The following DLGAP2 variants were observed in gnomAD, a reference collection of about 807,000 sequenced individuals.
The protein encoded by DLGAP2 is DLG associated protein 2.
In DLGAP2, 26 loss-of-function variants were observed where a neutral mutation model predicts 100.3. The observed-to-expected ratio is 0.26, with a 90% CI of 0.19 to 0.36. The LOEUF (loss-of-function observed/expected upper bound fraction) is 0.36, where lower values mean the gene tolerates loss of function less well. Ranked by LOEUF, DLGAP2 falls within the 10% of genes least tolerant of loss-of-function variation. The pLI, the probability that DLGAP2 is intolerant of heterozygous loss-of-function variation, is 1.00. For missense variants in DLGAP2, 1,858 were observed against 1,453.2 expected, an observed-to-expected ratio of 1.28 and a Z score of -4.53; for synonymous variants, 886 against 630.1, an observed-to-expected ratio of 1.41 and a Z score of -6.08.
intron 3 of DLGAP2, among the ~76,000 whole-genome samples, chr8:1,360,411 A>G (rs1801957161): frequency 6.6e-6 from 1 of 152,060 alleles, no homozygotes; most frequent in African/African-American, 2.4e-5. Context: ...GTTGGAGTAG[A>G]GTGCATGGGT....
chr8:873,476 C>T (rs939145992), intron 1 of DLGAP2, among the ~76,000 whole-genome samples: 6 of 152,146 alleles, frequency 3.9e-5, no homozygotes, highest in African/African-American at 1.4e-4. Flanking sequence ...TCATAGATGC[C>T]TTTTATTAAG....
chr8:870,329 C>G (rs1361399889), intron 1 of DLGAP2, among the ~76,000 whole-genome samples: 4 of 152,176 alleles, frequency 2.6e-5, no homozygotes, highest in Non-Finnish European at 4.4e-5. Context: ...TCTTCCAGTA[C>G]TGGACATCTT....
chr8:1,667,945 C>A (rs978428137), intron 8 of DLGAP2, among the ~76,000 whole-genome samples: 1 of 144,422 alleles, frequency 6.9e-6, no homozygotes, highest in Non-Finnish European at 1.5e-5. Context: ...GGTGTGTCTC[C>A]GCTGCTGGAT....
chr8:781,063 T>A (rs189315033), intron 1 of DLGAP2, among the ~76,000 whole-genome samples: 55 of 152,358 alleles, frequency 3.6e-4, no homozygotes, highest in Non-Finnish European at 6.2e-4. Flanking sequence ...GGCATGAAAA[T>A]ATGTATAGAT....
At chr8:1,005,463 C>T (rs1270954767) in intron 2 of DLGAP2, among the ~76,000 whole-genome samples, 1 of 144,768 alleles carries the variant, frequency 6.9e-6, no homozygotes, top group Non-Finnish European at 1.5e-5. Flanking sequence ...GGCTGGAGTG[C>T]AGTGGTGCAG....
chr8:1,351,590 C>T lies in DLGAP2; in HGVS notation c.106+92707C>T, dbSNP rs1328079565. ...GGGTCCTGACTGTGTGTGGAAAGGA[C>T]GTGCGCGTCCTGCGTGTGGCGTGGA... On this transcript the variant is annotated intron_variant, in intron 3 of 14. Transcript: ENST00000637795. Among the ~76,000 whole-genome samples the T allele has an allele frequency of 1.8e-4, 12 of 67,490 alleles. 3 individuals are homozygous for T. Among genetic ancestry groups the T allele is most frequent in the Non-Finnish European group, 3.6e-4 (11 of 30,460 alleles). 44.3% of individuals were successfully genotyped at this position (67,490 alleles called of 152,430 possible).
rs370260040 is a variant in DLGAP2, at chr8:1,163,086, C to T, written c.74-95765C>T. On this transcript the variant is annotated intron_variant, in intron 2 of 14. Coordinates refer to ENST00000637795, the MANE Select transcript of DLGAP2 (RefSeq NM_001346810.2). ...TGGAGTCCTCGGCTGGTAAGAGGCC[C>T]GGGGCTGCGGCGTGTTGGGGTGATC... Among the ~76,000 whole-genome samples, 164 of 152,248 alleles carry T rather than the reference C, an allele frequency of 1.1e-3. 1 individual carries two copies. The highest frequency in any genetic ancestry group is 3.5e-3 in the African/African-American group (146 of 41,558).
At chr8:1,679,440 C>T (rs946983692) in intron 12 of DLGAP2, among the ~76,000 whole-genome samples, 8 of 141,774 alleles carry the variant, frequency 5.6e-5, no homozygotes, top group South Asian at 2.5e-4. Flanking sequence ...CATTCCTCTA[C>T]GGGAGTCACC....
At chr8:1,195,762 G>A (rs769997565) in intron 2 of DLGAP2, among the ~76,000 whole-genome samples, 5 of 152,134 alleles carry the variant, frequency 3.3e-5, no homozygotes, top group Admixed American at 6.5e-5. Flanking sequence ...CATCACCATC[G>A]TTGCTCACCC....
chr8:1,298,912 G>C (rs553479232), intron 3 of DLGAP2, among the ~76,000 whole-genome samples: 6 of 152,096 alleles, frequency 3.9e-5, no homozygotes, highest in African/African-American at 1.2e-4. Context: ...GGGAGAACCC[G>C]GGGGGAGAAC....
At chr8:1,205,423 C>T (rs1797969571) in intron 2 of DLGAP2, among the ~76,000 whole-genome samples, 1 of 151,506 alleles carries the variant, frequency 6.6e-6, no homozygotes, top group Non-Finnish European at 1.5e-5. Context: ...TCAGCCGGCT[C>T]TTCCTGAAAA....
chr8:1,047,187 C>G, intron 2 of DLGAP2, among the ~76,000 whole-genome samples: 1 of 152,206 alleles, frequency 6.6e-6, no homozygotes, highest in East Asian at 1.9e-4. Context: ...CAGACTTTCT[C>G]TTTCTATAGG....
At chr8:758,919 G>A (rs537832886) in intron 1 of DLGAP2, among the ~76,000 whole-genome samples, 1 of 151,504 alleles carries the variant, frequency 6.6e-6, no homozygotes, top group Admixed American at 6.6e-5. Context: ...GGCACAGAGA[G>A]TTCCTATCTA....
intron 2 of DLGAP2, among the ~76,000 whole-genome samples, chr8:1,079,084 T>C (rs1373067742): frequency 6.6e-6 from 1 of 152,208 alleles, no homozygotes; most frequent in African/African-American, 2.4e-5. Flanking sequence ...AGGGTCTAGC[T>C]TGTGGTCATC....
intron 2 of DLGAP2, among the ~76,000 whole-genome samples, chr8:1,093,252 C>A (rs55940420): frequency 0.16 from 23,677 of 148,800 alleles, 1,796 homozygotes; most frequent in Admixed American, 0.21. Context: ...CCTTCACACC[C>A]GCAGCCAGAA....
intron 2 of DLGAP2, among the ~76,000 whole-genome samples, chr8:1,031,597 G>T (rs1801973831): frequency 6.6e-6 from 1 of 151,964 alleles, no homozygotes; most frequent in Non-Finnish European, 1.5e-5. Flanking sequence ...TTTTTGTAGA[G>T]ACGAGGTCTC....
chr8:1,601,720 G>C (rs918862517), intron 6 of DLGAP2, among the ~76,000 whole-genome samples: 2 of 152,122 alleles, frequency 1.3e-5, no homozygotes, highest in African/African-American at 4.8e-5. Context: ...TGGTCTGCTC[G>C]TTCACCACTC....
intron 3 of DLGAP2, among the ~76,000 whole-genome samples, chr8:1,356,915 C>T (rs762669002): frequency 8.5e-5 from 13 of 152,272 alleles, no homozygotes; most frequent in African/African-American, 1.9e-4. Flanking sequence ...CTACAGTGCC[C>T]GTGTCTACAG....
At chr8:861,106 G>A (rs937230305) in intron 1 of DLGAP2, among the ~76,000 whole-genome samples, 2 of 152,174 alleles carry the variant, frequency 1.3e-5, no homozygotes, top group African/African-American at 4.8e-5. Context: ...GGAGGCAGCC[G>A]GGACCGGGTG....
Sources: gnomAD v4.1 joint callset for allele counts (sites outside exome capture counted in the v4.1 genomes callset) on GRCh38, gnomAD v4.1.1 for gene constraint, MANE v1.5 for transcripts, NCBI Gene and HGNC (gene_info 2026-07-23, HGNC 2026-07-21) for gene names.